Variants in PLXNA4 observed in about 807,000 individuals in gnomAD.
The protein encoded by PLXNA4 is plexin-A4.
PLXNA4 carries 44 observed loss-of-function variants against 191.8 expected under a neutral mutation model. The ratio of observed to expected loss-of-function variants is 0.23; its 90% CI spans 0.18 to 0.29. The LOEUF (loss-of-function observed/expected upper bound fraction) is 0.29. Among genes scored for constraint, PLXNA4 ranks in the 10% least tolerant of loss-of-function variants. The pLI, the probability that PLXNA4 is intolerant of heterozygous loss-of-function variation, is 1.00. For synonymous variants in PLXNA4, 1,082 were observed against 1,009.5 expected, an observed-to-expected ratio of 1.07 and a Z score of -1.36; for missense variants, 1,800 against 2,488.8, an observed-to-expected ratio of 0.72 and a Z score of 5.89.
chr7:132,200,635 G>A (rs1797402612), intron 12 of PLXNA4, among the ~76,000 whole-genome samples: 1 of 152,190 alleles, frequency 6.6e-6, no homozygotes, highest in Admixed American at 6.5e-5. Flanking sequence ...CACCCCAAGG[G>A]GCTGCTTTGC....
Position 132,181,424 on chromosome 7 carries a change from G to A in PLXNA4, c.3449C>T (p.Ser1150Leu). Residue 1150 changes from serine (S) to leucine (L), a missense_variant, in exon 18 of 32, where the codon TCA becomes TTA. Ser to Leu is a moderately radical substitution (Grantham distance 145). Transcript: ENST00000321063. ...GCCAGGCTTGAGCTCCAGGATTCCT[G>A]AGGGACCAAAGGCCTCAAACACCGG... Reference protein sequence around the residue: ...PNPVFEAFGPSGILELKPGTP... With the variant: ...PNPVFEAFGPLGILELKPGTP... The A allele has an allele frequency of 6.2e-7, 1 of 1,614,022 alleles. No homozygotes were observed. Among genetic ancestry groups the A allele is most frequent in the Non-Finnish European group, 8.5e-7 (1 of 1,180,002 alleles).
intron 9 of PLXNA4, among the ~76,000 whole-genome samples, chr7:132,221,429 C>A (rs1798141471): frequency 6.6e-6 from 1 of 152,142 alleles, no homozygotes; most frequent in Non-Finnish European, 1.5e-5. Flanking sequence ...GTCTCAACTC[C>A]CATCAAGTTA....
At chr7:132,280,321 T>C (rs1389775312) in intron 4 of PLXNA4, among the ~76,000 whole-genome samples, 1 of 151,398 alleles carries the variant, frequency 6.6e-6, no homozygotes, top group East Asian at 1.9e-4. Context: ...CAAAAAATAG[T>C]GGAAGGGATA....
chr7:132,409,403 G>A (rs138408872), intron 3 of PLXNA4, among the ~76,000 whole-genome samples: 9 of 152,252 alleles, frequency 5.9e-5, no homozygotes, highest in Non-Finnish European at 1.2e-4. Context: ...CTTTTTGTCC[G>A]TTATGAGCAT....
At chr7:132,591,472 T>C (rs1802602450) in intron 2 of PLXNA4, among the ~76,000 whole-genome samples, 1 of 152,222 alleles carries the variant, frequency 6.6e-6, no homozygotes, top group African/African-American at 2.4e-5. Context: ...TACAAAAGTA[T>C]TGTAGCTTCT....
intron 30 of PLXNA4, among the ~76,000 whole-genome samples, chr7:132,137,168 G>A (rs980729083): frequency 1.3e-5 from 2 of 152,160 alleles, no homozygotes; most frequent in African/African-American, 4.8e-5. Flanking sequence ...ACCATTTTAT[G>A]TATTTGACTG....
intron 3 of PLXNA4, among the ~76,000 whole-genome samples, chr7:132,449,706 C>T (rs111530932): frequency 0.011 from 1,675 of 152,294 alleles, 16 homozygotes; most frequent in Middle Eastern, 0.044. Context: ...GAACCAGAGG[C>T]AAAGCACCTT....
intron 3 of PLXNA4, among the ~76,000 whole-genome samples, chr7:132,397,546 A>T (rs1043377056): frequency 2.0e-5 from 3 of 152,244 alleles, no homozygotes; most frequent in Admixed American, 2.0e-4. Context: ...GTGAGCAGAT[A>T]TCAGCTTCCC....
intron 3 of PLXNA4, among the ~76,000 whole-genome samples, chr7:132,424,238 G>T (rs906482322): frequency 1.3e-5 from 2 of 152,182 alleles, no homozygotes; most frequent in African/African-American, 2.4e-5. Context: ...TTCACATGCT[G>T]GTGCTGCTGG....
chr7:132,318,878 C>CTA (rs143322140), intron 3 of PLXNA4, among the ~76,000 whole-genome samples: 4,612 of 152,122 alleles, frequency 0.03, 86 homozygotes, highest in Middle Eastern at 0.054. Context: ...TGGTCTTTAA[C>CTA]AAGTGTGGAC....
intron 4 of PLXNA4, among the ~76,000 whole-genome samples, chr7:132,259,740 C>T (rs188872993): frequency 4.6e-4 from 70 of 151,922 alleles, no homozygotes; most frequent in South Asian, 2.1e-3. Context: ...CTTCAGTAGG[C>T]GATGGATAAA....
At chr7:132,542,660 G>A (rs1008123567) in intron 1 of PLXNA4, among the ~76,000 whole-genome samples, 45 of 151,824 alleles carry the variant, frequency 3.0e-4, no homozygotes, top group African/African-American at 4.8e-4. Context: ...CTGTATCCTC[G>A]ATGTCTCTTA....
intron 19 of PLXNA4, 38 bp from the exon 20 acceptor site, chr7:132,179,959 G>A: frequency 6.4e-7 from 1 of 1,566,040 alleles, no homozygotes; most frequent in South Asian, 1.1e-5. Flanking sequence ...TGGGTGTGGG[G>A]ACGCAGCAGC....
At chr7:132,479,704 C>A (rs968713613) in intron 3 of PLXNA4, among the ~76,000 whole-genome samples, 2 of 152,108 alleles carry the variant, frequency 1.3e-5, no homozygotes, top group Non-Finnish European at 2.9e-5. Flanking sequence ...GGCTGGGGTG[C>A]AATGGCACGA....
At chr7:132,644,744 A>C (rs1803832831) in intron 2 of PLXNA4, among the ~76,000 whole-genome samples, 1 of 152,208 alleles carries the variant, frequency 6.6e-6, no homozygotes, top group East Asian at 1.9e-4. Context: ...AGAATATATG[A>C]TGTGCATGCC....
chr7:132,192,308 T>A (rs1797116985), intron 14 of PLXNA4, among the ~76,000 whole-genome samples: 1 of 152,142 alleles, frequency 6.6e-6, no homozygotes, highest in Non-Finnish European at 1.5e-5. Context: ...CATCAAGTCA[T>A]AAAATCCAAC....
At chr7:132,282,608 CA>C (rs796586381) in intron 4 of PLXNA4, among the ~76,000 whole-genome samples, 1,353 of 52,266 alleles carry the variant, frequency 0.026, 37 homozygotes, top group African/African-American at 0.086. Flanking sequence ...GACCTTGTCT[CA>C]GAAAAAAAAA....
chr7:132,132,381 TGTTCTGTTC>T lies in PLXNA4; in HGVS notation c.5589+659_5589+667del, dbSNP rs1563047766. Among the ~76,000 whole-genome samples, 18 of 42,584 alleles carry T rather than the reference TGTTCTGTTC, an allele frequency of 4.2e-4. 1 individual carries two copies. The highest frequency in any genetic ancestry group is 4.8e-4 in the Non-Finnish European group (10 of 20,880). The allele number at this position is 42,584 out of a possible 152,430, so 27.9% of individuals were successfully genotyped here. A position where few individuals can be genotyped will look rare whatever the true frequency, so the allele number is the denominator to read the frequency against. ...AACAAAACAGAAAACACATTCTATT[TGTTCTGTTC>T]TGTTCTGTTCTGTTCTGTTCTGTTC... On this transcript the variant is annotated intron_variant, in intron 31 of 31. Coordinates refer to ENST00000321063, the MANE Select transcript of PLXNA4 (RefSeq NM_020911.2).
intron 25 of PLXNA4, among the ~76,000 whole-genome samples, chr7:132,154,172 G>A (rs1413346096): frequency 5.3e-5 from 8 of 152,120 alleles, no homozygotes; most frequent in Admixed American, 3.9e-4. Flanking sequence ...TCCAAACCCC[G>A]GGCTGAGAAG....
Sources: gnomAD v4.1 joint callset for allele counts (sites outside exome capture counted in the v4.1 genomes callset) on GRCh38, gnomAD v4.1.1 for gene constraint, MANE v1.5 for transcripts, NCBI Gene and HGNC (gene_info 2026-07-23, HGNC 2026-07-21) for gene names.